Variants in DIAPH2 observed in about 807,000 individuals in gnomAD.
DIAPH2 encodes diaphanous related formin 2, also known as protein diaphanous homolog 2.
Under a neutral mutation model 92.7 loss-of-function variants are expected in DIAPH2, and 35 were observed. The observed-to-expected ratio is 0.38, with a 90% CI of 0.29 to 0.50. The LOEUF is 0.50. DIAPH2 is among the 20% of genes least tolerant of loss of function. DIAPH2 has a pLI of 0.94. For missense variants in DIAPH2, 701 were observed against 819.5 expected, an observed-to-expected ratio of 0.86 and a Z score of 1.77; for synonymous variants, 301 against 280.4, an observed-to-expected ratio of 1.07 and a Z score of -0.73.
intron 26 of DIAPH2, among the ~76,000 whole-genome samples, chrX:97,455,470 T>G (rs1414652808): frequency 8.9e-6 from 1 of 112,336 alleles, no homozygotes; most frequent in African/African-American, 3.2e-5. Flanking sequence ...TTTCAGACTT[T>G]CACTAAATAA....
At chrX:96,693,668 C>G (rs1390235719) in intron 1 of DIAPH2, among the ~76,000 whole-genome samples, 1 of 112,250 alleles carries the variant, frequency 8.9e-6, no homozygotes, top group Non-Finnish European at 1.9e-5. Context: ...TTTTCTGATT[C>G]ACACAGAGGC....
At chrX:97,158,868 A>G (rs1231472325) in intron 22 of DIAPH2, among the ~76,000 whole-genome samples, 1 of 112,360 alleles carries the variant, frequency 8.9e-6, no homozygotes, top group Non-Finnish European at 1.9e-5. Flanking sequence ...TGAAACATTC[A>G]TTAGCACTTT....
intron 16 of DIAPH2, among the ~76,000 whole-genome samples, chrX:96,961,858 T>C (rs2065851058): frequency 9.0e-6 from 1 of 110,667 alleles, no homozygotes; most frequent in Non-Finnish European, 1.9e-5. Context: ...TGATGTCTAA[T>C]TTTATCCCAT....
chrX:97,316,918 G>A (rs781286712), intron 23 of DIAPH2, among the ~76,000 whole-genome samples: 1 of 111,761 alleles, frequency 8.9e-6, no homozygotes, highest in South Asian at 3.8e-4. Context: ...AGTTAGATGT[G>A]CACTAGCTTC....
chrX:97,287,305 G>GA (rs1228810335), intron 23 of DIAPH2, among the ~76,000 whole-genome samples: 1,622 of 101,279 alleles, frequency 0.016, 42 homozygotes, highest in African/African-American at 0.054. Context: ...ACTCCGTCGG[G>GA]AAAAAAAAAA....
intron 23 of DIAPH2, among the ~76,000 whole-genome samples, chrX:97,279,310 CTTTTT>C (rs1256593896): frequency 1.1e-5 from 1 of 94,307 alleles, no homozygotes. Flanking sequence ...TTTTTTGAGA[CTTTTT>C]TTTTTTTTTT....
chrX:97,215,048 A>G (rs1305768465), intron 22 of DIAPH2, among the ~76,000 whole-genome samples: 1 of 110,557 alleles, frequency 9.0e-6, no homozygotes, highest in Non-Finnish European at 1.9e-5. Context: ...CTTGCTTAAG[A>G]AAAAAATCCC....
intron 25 of DIAPH2, among the ~76,000 whole-genome samples, chrX:97,395,107 G>T (rs766407120): frequency 8.9e-6 from 1 of 111,826 alleles, no homozygotes; most frequent in African/African-American, 3.2e-5. Context: ...AGTGTTAAAT[G>T]TTATCCCTTT....
At chrX:97,564,435 G>A (rs2071313101) in intron 26 of DIAPH2, 1 of 112,112 alleles carries the variant, frequency 8.9e-6, no homozygotes, top group Non-Finnish European at 1.9e-5. Flanking sequence ...AATGTCTGAT[G>A]AGTGTTTGCT....
chrX:97,477,068 C>T (rs1258008159), intron 26 of DIAPH2, among the ~76,000 whole-genome samples: 1 of 98,708 alleles, frequency 1.0e-5, no homozygotes, highest in Non-Finnish European at 2.1e-5. Flanking sequence ...AGTGGCTCAC[C>T]CCTGTAATCC....
intron 21 of DIAPH2, among the ~76,000 whole-genome samples, chrX:97,129,112 T>TTTTC (rs1555988061): frequency 2.6e-5 from 2 of 76,911 alleles, no homozygotes; most frequent in Non-Finnish European, 4.6e-5. Flanking sequence ...TTTTCTTTTC[T>TTTTC]TTTCTTTTCT....
intron 23 of DIAPH2, among the ~76,000 whole-genome samples, chrX:97,269,407 C>A (rs886591911): frequency 7.1e-5 from 8 of 112,372 alleles, no homozygotes; most frequent in Non-Finnish European, 1.3e-4. Context: ...GAAATTCCTT[C>A]AGAAACACTC....
At chrX:97,443,380 T>C (rs1272648703) in intron 26 of DIAPH2, among the ~76,000 whole-genome samples, 1 of 112,490 alleles carries the variant, frequency 8.9e-6, no homozygotes, top group African/African-American at 3.2e-5. Context: ...AATACTATGC[T>C]TATAACTATA....
chrX:97,591,013 A>G (rs2071513362), intron 26 of DIAPH2, among the ~76,000 whole-genome samples: 1 of 112,391 alleles, frequency 8.9e-6, no homozygotes, highest in Non-Finnish European at 1.9e-5. Flanking sequence ...TAGAAAATAA[A>G]GGTTAAATAT....
intron 25 of DIAPH2, among the ~76,000 whole-genome samples, chrX:97,400,985 GC>G: frequency 9.3e-6 from 1 of 107,889 alleles, no homozygotes; most frequent in Non-Finnish European, 1.9e-5. Context: ...TCCTGCGTCA[GC>G]CTCCCCACTA....
At chrX:96,827,891 G>A (rs1312921841) in intron 4 of DIAPH2, among the ~76,000 whole-genome samples, 4 of 110,790 alleles carry the variant, frequency 3.6e-5, no homozygotes, top group African/African-American at 1.3e-4. Flanking sequence ...GCGCCATCTC[G>A]GCTTGCAGCT....
chrX:97,091,105 C>T (rs1363218411), intron 19 of DIAPH2, among the ~76,000 whole-genome samples: 3 of 110,895 alleles, frequency 2.7e-5, no homozygotes, highest in Non-Finnish European at 5.7e-5. Flanking sequence ...CTCCCAGGCT[C>T]AAGCGATTCT....
intron 23 of DIAPH2, among the ~76,000 whole-genome samples, chrX:97,275,464 G>A (rs1451543604): frequency 3.2e-5 from 3 of 95,170 alleles, no homozygotes; most frequent in Non-Finnish European, 4.4e-5. Flanking sequence ...GGGCGGAGAC[G>A]CTCCTCACTT....
intron 9 of DIAPH2, among the ~76,000 whole-genome samples, chrX:96,928,828 A>C (rs2065600481): frequency 9.0e-6 from 1 of 111,660 alleles, no homozygotes; most frequent in Non-Finnish European, 1.9e-5. Flanking sequence ...CTATATGTTC[A>C]TACATTGTAT....
Sources: gnomAD v4.1 joint callset for allele counts (sites outside exome capture counted in the v4.1 genomes callset) on GRCh38, gnomAD v4.1.1 for gene constraint, MANE v1.5 for transcripts, NCBI Gene and HGNC (gene_info 2026-07-23, HGNC 2026-07-21) for gene names.